DMTN: variants seen among roughly 807,000 people sequenced by gnomAD.
The protein encoded by DMTN is dematin actin binding protein.
A neutral mutation model predicts 59.4 loss-of-function variants in DMTN; 27 were observed. That is an observed-to-expected ratio of 0.45 (90% CI 0.33 to 0.63). The LOEUF is 0.63. Ranked by LOEUF, DMTN falls within the 20% of genes least tolerant of loss-of-function variation. The pLI is 0.02. For synonymous variants in DMTN, 221 were observed against 203.7 expected, an observed-to-expected ratio of 1.08 and a Z score of -0.72; for missense variants, 451 against 528.9, an observed-to-expected ratio of 0.85 and a Z score of 1.45.
Position 22,068,604 on chromosome 8 carries a change from G to A in DMTN, c.250-412G>A, listed in dbSNP as rs1299595182. On this transcript the variant is annotated intron_variant, in intron 4 of 15. Coordinates refer to ENST00000358242, the MANE Select transcript of DMTN (RefSeq NM_001387751.1). Reference sequence around the variant, plus strand: ...GAGGGATAGAGGAGAAAGAATAAGAGACAAGAGAGAAGAAAGTGGAGAGAG... The same window carrying A: ...GAGGGATAGAGGAGAAAGAATAAGAAACAAGAGAGAAGAAAGTGGAGAGAG... Among the ~76,000 whole-genome samples the A allele has an allele frequency of 3.3e-5, 5 of 151,766 alleles. 1 individual carries two copies. The South Asian group carries it at 1.0e-3, about 32-fold the overall frequency.
In DMTN at chr8:22,082,440, A is replaced by G; in HGVS notation, c.*977A>G. 1.1e-4 allele frequency: 30 copies of G among 267,232 alleles called. No homozygotes were observed. The highest frequency in any genetic ancestry group is 2.8e-4 in the South Asian group (8 of 28,240). The allele number at this position is 267,232 out of a possible 1,614,324, so 16.6% of individuals were successfully genotyped here. On this transcript the variant is annotated 3_prime_UTR_variant, in exon 16 of 16. Transcript: ENST00000358242. ...AGGTCTGGGTATTGCTCCTGCCCAG[A>G]CCCTGACATCCCTTTCCACTGTGTG...
chr8:22,049,154 G>A (rs1367404491), upstream of DMTN: 1 of 148,806 alleles, frequency 6.7e-6, no homozygotes, highest in African/African-American at 2.5e-5. Flanking sequence ...GGGCCCTGCG[G>A]AGCCCGGCGG....
chr8:22,081,043 G>A lies in DMTN; in HGVS notation c.1024-70G>A, dbSNP rs1471540556. On this transcript the variant is annotated intron_variant, in intron 14 of 15. Transcript: ENST00000358242. ...ACCCCAGTGGCCTCTGCAGGTTGAT[G>A]TGGGAGGCCTAGGGAGTCGAAGGAC... 3.9e-6 allele frequency: 6 copies of A among 1,537,340 alleles called. No individual in the cohort carries two copies. The African/African-American group carries it at 4.1e-5, about 10-fold the overall frequency.
intron 9 of DMTN, among the ~76,000 whole-genome samples, chr8:22,072,873 C>T (rs565121237): frequency 5.9e-5 from 9 of 152,152 alleles, no homozygotes; most frequent in East Asian, 3.9e-4. Flanking sequence ...GTTGGGGAGC[C>T]GCTTCTTGCC....
At chr8:22,069,391 C>G in intron 5 of DMTN, 28 bp from the exon 6 acceptor site, 1 of 1,595,306 alleles carries the variant, frequency 6.3e-7, no homozygotes, top group Non-Finnish European at 8.6e-7. Context: ...GGTTAGGGGC[C>G]CTGGAGCCAC....
intron 1 of DMTN, among the ~76,000 whole-genome samples, chr8:22,064,468 T>G (rs905691048): frequency 3.3e-5 from 5 of 152,194 alleles, no homozygotes; most frequent in Non-Finnish European, 5.9e-5. Context: ...CCAGAGGTTT[T>G]TTTTTTTTGA....
chr8:22,073,729 G>C lies in DMTN; in HGVS notation c.730-1G>C. The C allele has an allele frequency of 6.2e-7, 1 of 1,611,618 alleles. No homozygotes were observed. Among genetic ancestry groups the C allele is most frequent in the Non-Finnish European group, 8.5e-7 (1 of 1,178,174 alleles). On this transcript the variant is annotated splice_acceptor_variant, in intron 9 of 15. Transcript: ENST00000358242. LOFTEE classifies it high-confidence loss of function. Reference sequence around the variant, plus strand: ...CTCCATCTTCCTTTCTCCCTCCTCAGGTTACTTCCAACTTGGGAAAGATGA... The same window carrying C: ...CTCCATCTTCCTTTCTCCCTCCTCACGTTACTTCCAACTTGGGAAAGATGA...
At chr8:22,068,192 G>A (rs748011905) in intron 4 of DMTN, among the ~76,000 whole-genome samples, 1 of 152,138 alleles carries the variant, frequency 6.6e-6, no homozygotes, top group East Asian at 1.9e-4. Flanking sequence ...CAGTACCTGC[G>A]TGATAAACCC....
chr8:22,070,091 A>G, intron 7 of DMTN, 91 bp from the exon 8 acceptor site: 1 of 1,543,036 alleles, frequency 6.5e-7, no homozygotes, highest in Non-Finnish European at 8.8e-7. Flanking sequence ...TTTTACCTGC[A>G]GGACCTCACA....
At chr8:22,072,473 C>A (rs939433499) in intron 9 of DMTN, 23 bp downstream of exon 9, 2 of 1,537,926 alleles carry the variant, frequency 1.3e-6, no homozygotes, top group South Asian at 1.2e-5. Context: ...CACCCCCACC[C>A]TCCACCCCTG....
At chr8:22,057,850 C>T (rs1371166932) in intron 1 of DMTN, 3 of 152,386 alleles carry the variant, frequency 2.0e-5, no homozygotes. Flanking sequence ...CCCAGTGTGT[C>T]CCTTCCAGGG....
chr8:22,069,868 C>A lies in DMTN; in HGVS notation c.395-13C>A. On this transcript the variant is annotated splice_polypyrimidine_tract_variant and intron_variant, in intron 6 of 15. Transcript: ENST00000358242. ...CAGCATGTCCTCCTCCTCATCTGTT[C>A]TTCCTCCCACAGAGACCTCCCGCCC... 1 of 1,613,976 alleles carries A rather than the reference C, an allele frequency of 6.2e-7. No individual in the cohort carries two copies. The highest frequency in any genetic ancestry group is 8.5e-7 in the Non-Finnish European group (1 of 1,179,878).
rs1348440653 is a variant in DMTN, at chr8:22,056,844, AGGC to A, written c.-460_-458del. 9.7e-6 allele frequency: 1 copy of A among 103,232 alleles called. No individual in the cohort carries two copies. Among genetic ancestry groups the A allele is most frequent in the Non-Finnish European group, 1.8e-5 (1 of 54,456 alleles). 6.4% of individuals were successfully genotyped at this position (103,232 alleles called of 1,614,324 possible). A position where few individuals can be genotyped will look rare whatever the true frequency, so the allele number is the denominator to read the frequency against. Reference sequence around the variant, plus strand: ...AGGACTCCCCAGCACCGGGGGATCCAGGCGGCCGTGCGTTGCAGAGAAGCAGGG... The same window carrying A: ...AGGACTCCCCAGCACCGGGGGATCCAGGCCGTGCGTTGCAGAGAAGCAGGG... On this transcript the variant is annotated 5_prime_UTR_variant, in exon 1 of 16. Coordinates refer to ENST00000358242, the MANE Select transcript of DMTN (RefSeq NM_001387751.1).
intron 4 of DMTN, among the ~76,000 whole-genome samples, chr8:22,068,431 G>A (rs143436806): frequency 5.3e-4 from 80 of 152,306 alleles, no homozygotes; most frequent in African/African-American, 1.8e-3. Context: ...AGCAAGATGT[G>A]GTGCTGTGCA....
At chr8:22,070,129 C>T (rs1221044375) in intron 7 of DMTN, 53 bp from the exon 8 acceptor site, 2 of 1,556,210 alleles carry the variant, frequency 1.3e-6, no homozygotes, top group East Asian at 2.3e-5. Flanking sequence ...GTGAAGGTAG[C>T]CAAGTTGGCC....
intron 10 of DMTN, among the ~76,000 whole-genome samples, chr8:22,075,379 T>TCTGGCA (rs1426664705): frequency 6.6e-6 from 1 of 151,112 alleles, no homozygotes; most frequent in African/African-American, 2.4e-5. Context: ...GGCAGGGTCT[T>TCTGGCA]GCTCTGTTGC....
At chr8:22,061,155 C>T (rs575939194) in intron 1 of DMTN, among the ~76,000 whole-genome samples, 1 of 151,510 alleles carries the variant, frequency 6.6e-6, no homozygotes, top group Non-Finnish European at 1.5e-5. Flanking sequence ...TTGTGGAGTA[C>T]TCCTGTAGTC....
At chr8:22,066,063 C>T (rs965350496) in intron 1 of DMTN, among the ~76,000 whole-genome samples, 3 of 152,038 alleles carry the variant, frequency 2.0e-5, no homozygotes, top group African/African-American at 4.8e-5. Context: ...ATCCTAGTCT[C>T]GAACGCCTGG....
intron 10 of DMTN, among the ~76,000 whole-genome samples, chr8:22,077,286 G>A (rs550159493): frequency 7.9e-5 from 12 of 152,162 alleles, no homozygotes; most frequent in Non-Finnish European, 1.6e-4. Context: ...ATGGAGCTGA[G>A]CCAAAGCCAC....
Sources: gnomAD v4.1 joint callset for allele counts (sites outside exome capture counted in the v4.1 genomes callset) on GRCh38, gnomAD v4.1.1 for gene constraint, MANE v1.5 for transcripts, NCBI Gene and HGNC (gene_info 2026-07-23, HGNC 2026-07-21) for gene names.